PLCG2: variants seen among roughly 807,000 people sequenced by gnomAD.
PLCG2 encodes the protein 1-phosphatidylinositol 4,5-bisphosphate phosphodiesterase gamma-2.
PLCG2 carries 69 observed loss-of-function variants against 175.6 expected under a neutral mutation model. The observed-to-expected ratio is 0.39, with a 90% confidence interval of 0.32 to 0.48. The LOEUF (loss-of-function observed/expected upper bound fraction) is 0.48, where lower values mean the gene tolerates loss of function less well. PLCG2 is among the 20% of genes least tolerant of loss of function. PLCG2 has a pLI of 0.91. For missense variants in PLCG2, 1,798 were observed against 1,650.9 expected (o/e 1.09, Z -1.54); for synonymous variants, 827 against 624.0 (o/e 1.33, Z -4.85).
chr16:81,778,993 A>T (rs1021509316), upstream of PLCG2, among the ~76,000 whole-genome samples: 1 of 151,962 alleles, frequency 6.6e-6, no homozygotes, highest in Admixed American at 6.5e-5. Flanking sequence ...AAACACCTGG[A>T]CTGCGGCCGG....
chr16:81,854,396 G>A, intron 2 of PLCG2, 48 bp from the exon 3 acceptor site: 1 of 1,585,362 alleles, frequency 6.3e-7, no homozygotes. Context: ...GCATCCTCAG[G>A]TGGAGGGAAC....
chr16:81,956,911 T>TG lies in PLCG2; in HGVS notation c.3755+38dup, dbSNP rs760385854. The TG allele has an allele frequency of 5.0e-6, 8 of 1,592,108 alleles. No homozygotes were observed. The East Asian group carries it at 9.0e-5, about 18-fold the overall frequency. Reference sequence around the variant, plus strand: ...CAGCCCCTCCACCTGCAAAAACTTTTGGGGGGTCTCTAGGCACGGTGATGA... The same window carrying TG: ...CAGCCCCTCCACCTGCAAAAACTTTTGGGGGGGTCTCTAGGCACGGTGATGA... On this transcript the variant is annotated intron_variant, in intron 32 of 32. Transcript: ENST00000564138.
At chr16:81,741,593 T>G (rs1305019415) in intron 1 of PLCG2, among the ~76,000 whole-genome samples, 1 of 152,272 alleles carries the variant, frequency 6.6e-6, no homozygotes, top group Admixed American at 6.5e-5. Flanking sequence ...GCAGATCAGT[T>G]GAGGCCAGGA....
intron 2 of PLCG2, chr16:81,766,718 C>A (rs1200641356): frequency 6.6e-6 from 1 of 152,180 alleles, no homozygotes; most frequent in Non-Finnish European, 1.5e-5. Flanking sequence ...ATTCTTATAT[C>A]CTCAGCTTCT....
chr16:81,942,685 C>T (rs1268180928), intron 30 of PLCG2, among the ~76,000 whole-genome samples: 3 of 152,146 alleles, frequency 2.0e-5, no homozygotes, highest in Non-Finnish European at 4.4e-5. Flanking sequence ...AAATTCTGAG[C>T]ACTTTGAGGC....
At chr16:81,950,446 C>A (rs892364356) in intron 31 of PLCG2, among the ~76,000 whole-genome samples, 2 of 152,126 alleles carry the variant, frequency 1.3e-5, no homozygotes, top group Admixed American at 1.3e-4. Context: ...ACAAAGACAA[C>A]TGTATAAAGA....
chr16:81,893,989 C>A (rs1908763829), intron 12 of PLCG2, among the ~76,000 whole-genome samples, 195 bp downstream of exon 12: 1 of 135,516 alleles, frequency 7.4e-6, no homozygotes, highest in Non-Finnish European at 1.5e-5. Flanking sequence ...GAGACGGAGT[C>A]CCTGTCATCT....
At chr16:81,921,563 G>T in intron 21 of PLCG2, 1 of 423,314 alleles carries the variant, frequency 2.4e-6, no homozygotes. Flanking sequence ...AATGTTTTTG[G>T]CTCGCTGACA....
intron 22 of PLCG2, among the ~76,000 whole-genome samples, chr16:81,926,081 T>G (rs1910259610): frequency 8.8e-6 from 1 of 114,230 alleles, no homozygotes; most frequent in Admixed American, 1.1e-4. Context: ...AGCTGAGTCT[T>G]AAATTAGTGG....
At chr16:81,930,639 T>TAGGG (rs146477440) in intron 24 of PLCG2, among the ~76,000 whole-genome samples, 16,636 of 150,632 alleles carry the variant, frequency 0.11, 982 homozygotes, top group Middle Eastern at 0.14. Context: ...TCTCAGCTAC[T>TAGGG]AGGGAGGCTG....
chr16:81,852,379 T>TG (rs1421710128), intron 2 of PLCG2, among the ~76,000 whole-genome samples: 1 of 151,890 alleles, frequency 6.6e-6, no homozygotes, highest in East Asian at 1.9e-4. Context: ...TTGAAGGTGG[T>TG]GGGGGTGAAT....
chr16:81,959,080 T>G lies in PLCG2; in HGVS notation c.*1082T>G, dbSNP rs939065511. The G allele has an allele frequency of 4.5e-5, 10 of 223,384 alleles. No individual in the cohort carries two copies. Among genetic ancestry groups the G allele is most frequent in the African/African-American group, 2.2e-4 (10 of 44,784 alleles). 13.8% of individuals were successfully genotyped at this position (223,384 alleles called of 1,614,324 possible). ...TTAAGTTGTTAATACATACCAATAATGTAATATGGCTTTTTAAAGGAGAGG... is the reference window on the plus strand; with the variant it reads ...TTAAGTTGTTAATACATACCAATAAGGTAATATGGCTTTTTAAAGGAGAGG... On this transcript the variant is annotated 3_prime_UTR_variant, in exon 33 of 33. Transcript: ENST00000564138.
chr16:81,785,836 C>T, intron 1 of PLCG2, 107 bp from the exon 2 acceptor site: 1 of 678,064 alleles, frequency 1.5e-6, no homozygotes, highest in Non-Finnish European at 2.5e-6. Flanking sequence ...TCCTAAAACT[C>T]ATCCTGATTG....
chr16:81,865,585 C>T (rs765928850), intron 5 of PLCG2, among the ~76,000 whole-genome samples: 3 of 152,196 alleles, frequency 2.0e-5, no homozygotes, highest in Non-Finnish European at 4.4e-5. Context: ...ACCCCAGGCC[C>T]CTCAGTCTCT....
At chr16:81,757,713 T>C (rs961214792) in intron 2 of PLCG2, among the ~76,000 whole-genome samples, 3 of 152,190 alleles carry the variant, frequency 2.0e-5, no homozygotes, top group Non-Finnish European at 2.9e-5. Flanking sequence ...ATTCGATGGC[T>C]TATAGTGTAT....
rs4264387 is a variant in PLCG2, at chr16:81,905,632, C to T, written c.1467+125C>T. 501,752 of 649,060 alleles carry T rather than the reference C, an allele frequency of 0.77. 195,906 individuals carry two copies. Among genetic ancestry groups the T allele is most frequent in the East Asian group, 0.97 (35,206 of 36,352 alleles). The allele number at this position is 649,060 out of a possible 1,614,324, so 40.2% of individuals were successfully genotyped here. ...CATTTTTAGTCAAGTGAGTTTTTGC[C>T]ATGTGAATTTACCTTCCTTCTTAAA... is the stretch of plus-strand genomic sequence containing the variant. On this transcript the variant is annotated intron_variant, in intron 15 of 32. Transcript: ENST00000564138.
intron 8 of PLCG2, 37 bp downstream of exon 8, chr16:81,880,990 G>C: frequency 6.2e-7 from 1 of 1,607,040 alleles, no homozygotes; most frequent in Non-Finnish European, 8.5e-7. Context: ...GGGCGGCTGT[G>C]CCGGACCTCG....
intron 1 of PLCG2, among the ~76,000 whole-genome samples, chr16:81,782,750 C>G (rs1044295153): frequency 2.0e-5 from 3 of 152,224 alleles, no homozygotes; most frequent in Non-Finnish European, 2.9e-5. Context: ...CAAAATCCCA[C>G]AAAACGATTC....
Position 81,923,568 on chromosome 16 carries a change from C to T in PLCG2, c.2391C>T (p.His797=). Residue 797 remains histidine, a synonymous_variant, in exon 22 of 33, where the codon CAC becomes CAT. Transcript: ENST00000564138. ...ELSFCRGALI[H]NVSKEPGGWW... ...GCTTCTGCCGTGGTGCCCTCATCCA[C>T]AATGTCTCCAAGGAGCCCGGGGGCT... 6.2e-7 allele frequency: 1 copy of T among 1,612,860 alleles called. No individual in the cohort carries two copies. Among genetic ancestry groups the T allele is most frequent in the Non-Finnish European group, 8.5e-7 (1 of 1,178,984 alleles).
Sources: allele counts gnomAD v4.1 joint callset (sites outside exome capture counted in the v4.1 genomes callset), GRCh38; gene constraint gnomAD v4.1.1; transcripts MANE v1.5; gene names NCBI Gene and HGNC (gene_info 2026-07-23, HGNC 2026-07-21).